The following MYH7 variants were observed in gnomAD, a reference collection of about 807,000 sequenced individuals.
The protein encoded by MYH7 is myosin-7.
MYH7 carries 129 observed loss-of-function variants against 225.4 expected under a neutral mutation model. That is an observed-to-expected ratio of 0.57 (90% CI 0.50 to 0.66). The LOEUF (loss-of-function observed/expected upper bound fraction) is 0.66. Ranked by LOEUF, MYH7 falls within the 30% of genes least tolerant of loss-of-function variation. The probability of loss-of-function intolerance (pLI) is 0.00; values close to 1 mark genes in which losing one functional copy is unlikely to be tolerated. For missense variants in MYH7, 1,649 were observed against 2,517.0 expected (o/e 0.66, Z 7.38); for synonymous variants, 971 against 1,007.6 (o/e 0.96, Z 0.69).
At chr14:23,414,678 C>A (rs1378131049) in intron 37 of MYH7, among the ~76,000 whole-genome samples, 1 of 152,092 alleles carries the variant, frequency 6.6e-6, no homozygotes, top group East Asian at 1.9e-4. Context: ...TTTTTGGTGT[C>A]TTTTGGGGGT....
At position 23,428,952 on chromosome 14, in the gene MYH7, C is replaced by T. The variant is rs951495214; in HGVS notation, c.1407+3G>A. Reference sequence around the variant, plus strand: ...TCTCCCACTCCCAGGGGTCCCAACTCACATCGAAGATCTCGAAGCCAGCGA... The same window carrying T: ...TCTCCCACTCCCAGGGGTCCCAACTTACATCGAAGATCTCGAAGCCAGCGA... On this transcript the variant is annotated splice_donor_region_variant and intron_variant, in intron 14 of 39. Coordinates refer to ENST00000355349, the MANE Select transcript of MYH7 (RefSeq NM_000257.4). 1.9e-6 allele frequency: 3 copies of T among 1,614,220 alleles called. No individual in the cohort carries two copies. The African/African-American group carries it at 4.0e-5, about 22-fold the overall frequency.
rs750836033 is a variant in MYH7 at position 23,418,303 on chromosome 14, C to A, written c.4076G>T (p.Arg1359Leu). Residue 1359 changes from arginine to leucine, a missense_variant, in exon 30 of 40, where the codon CGC becomes CTC. By Grantham distance (102) the Arg-to-Leu change is moderately radical. This residue lies in a region of MYH7 where 687 missense variants were observed against 913.8 expected (regional missense o/e 0.75). Coordinates refer to ENST00000355349, the MANE Select transcript of MYH7 (RefSeq NM_000257.4). ...CTCCGAGTTGGCCTTGGAAAGGACG[C>A]GCTGCAGCTCGGCCTTGGCCTCCGT... ...EETEAKAELQ[R>L]VLSKANSEVA... 1 of 1,613,612 alleles carries A rather than the reference C, an allele frequency of 6.2e-7. No homozygotes were observed. Among genetic ancestry groups the A allele is most frequent in the Non-Finnish European group, 8.5e-7 (1 of 1,180,036 alleles).
intron 11 of MYH7, 49 bp from the exon 12 acceptor site, chr14:23,429,962 GGTAA>G (rs755115242): frequency 1.9e-6 from 3 of 1,608,066 alleles, no homozygotes; most frequent in African/African-American, 2.7e-5. Flanking sequence ...AAGTATGATG[GGTAA>G]GTGAGATCCC....
intron 13 of MYH7, 49 bp from the exon 14 acceptor site, chr14:23,429,153 T>A: frequency 6.2e-7 from 1 of 1,613,708 alleles, no homozygotes; most frequent in Non-Finnish European, 8.5e-7. Flanking sequence ...TTGGGAAGAG[T>A]GAACTTGAAA....
intron 1 of MYH7, 109 bp from the exon 2 acceptor site, chr14:23,434,358 C>G (rs1044542793): frequency 1.3e-6 from 1 of 774,430 alleles, no homozygotes. Flanking sequence ...TCTTCCAAAA[C>G]AAGGTGGAAA....
In MYH7 at chr14:23,425,196, G is replaced by T. The variant is rs1382994772; in HGVS notation, c.2423+86C>A. The T allele has an allele frequency of 5.0e-6, 8 of 1,610,604 alleles. No homozygotes were observed. The highest frequency in any genetic ancestry group is 5.9e-6 in the Non-Finnish European group (7 of 1,177,520). The stretch of plus-strand genomic sequence containing the variant: ...CCTCCTGCAGGTCTCTGTGTTTGAA[G>T]ATCTGCTGAGCTTTTTTTCCTGACA... On this transcript the variant is annotated intron_variant, in intron 21 of 39. Transcript: ENST00000355349. This position sits in a 1 kb window ranked among gnomAD's most constrained non-coding sequence, Gnocchi z 4.6.
rs1260906830 is a variant in MYH7 at position 23,429,108 on chromosome 14, C to T, written c.1258-4G>A. 6.2e-7 allele frequency: 1 copy of T among 1,614,106 alleles called. No individual in the cohort carries two copies. The highest frequency in any genetic ancestry group is 1.3e-5 in the African/African-American group (1 of 74,944). The stretch of plus-strand genomic sequence containing the variant: ...GTGCCCCAGTGGCATATATCACCTG[C>T]AAGGTGGAGGAGAGACCCATATTGA... On this transcript the variant is annotated splice_polypyrimidine_tract_variant and splice_region_variant and intron_variant, in intron 13 of 39. Transcript: ENST00000355349.
rs773718222 is a variant in MYH7 at position 23,418,418 on chromosome 14, T to G, written c.3973-12A>C. Reference sequence around the variant, plus strand: ...AGGGCGTTCTTCGCCTGGGGAGGGGTGGGCACCAGGAGGTGGGTTCAGCTT... The same window carrying G: ...AGGGCGTTCTTCGCCTGGGGAGGGGGGGGCACCAGGAGGTGGGTTCAGCTT... On this transcript the variant is annotated splice_polypyrimidine_tract_variant and intron_variant, in intron 29 of 39. Transcript: ENST00000355349. The G allele has an allele frequency of 6.9e-6, 11 of 1,599,636 alleles. No individual in the cohort carries two copies. Among genetic ancestry groups the G allele is most frequent in the Admixed American group, 3.4e-5 (2 of 59,486 alleles).
At chr14:23,428,909 G>A (rs1566534936) in intron 14 of MYH7, 46 bp downstream of exon 14, 1 of 1,613,782 alleles carries the variant, frequency 6.2e-7, no homozygotes, top group South Asian at 1.1e-5. Context: ...TTGAATGTGG[G>A]AGCGAGTGAG....
In MYH7 at chr14:23,433,657, C is replaced by T. The variant is rs775643803; in HGVS notation, c.76G>A (p.Ala26Thr). The T allele has an allele frequency of 1.9e-6, 3 of 1,614,274 alleles. No individual in the cohort carries two copies. Among genetic ancestry groups the T allele is most frequent in the Non-Finnish European group, 2.5e-6 (3 of 1,180,052 alleles). The change falls in exon 3 of 40, where the codon GCG becomes ACG. Residue 26 changes from alanine (A) to threonine (T), a missense_variant. Physicochemically the swap from Ala to Thr is moderately conservative, Grantham distance 58. Coordinates refer to ENST00000355349, the MANE Select transcript of MYH7 (RefSeq NM_000257.4). This position sits in a 1 kb window ranked among gnomAD's most constrained non-coding sequence, Gnocchi z 4.1. Reference sequence around the variant, plus strand: ...TTGAGGTCAAAAGGCCTGGTCTGCGCTTCTAGCCGCTCCTTCTCTGACTTG... The same window carrying T: ...TTGAGGTCAAAAGGCCTGGTCTGCGTTTCTAGCCGCTCCTTCTCTGACTTG... ...LRKSEKERLEAQTRPFDLKKD... is the reference protein window; with the variant it reads ...LRKSEKERLETQTRPFDLKKD...
chr14:23,418,156 T>C, intron 30 of MYH7, 54 bp downstream of exon 30: 1 of 1,612,964 alleles, frequency 6.2e-7, no homozygotes, highest in Non-Finnish European at 8.5e-7. Flanking sequence ...GGGGCTGGGC[T>C]GAGTCCTGCC....
In MYH7 at chr14:23,430,924, G is replaced by A. The variant is rs397516272; in HGVS notation, c.872C>T (p.Ser291Phe). Residue 291 changes from serine to phenylalanine, a missense_variant, in exon 10 of 40, where the codon TCT (serine) becomes TTT (phenylalanine). Physicochemically the swap from Ser to Phe is radical, Grantham distance 155. Coordinates refer to ENST00000355349, the MANE Select transcript of MYH7 (RefSeq NM_000257.4). Reference protein sequence around the residue: ...RDYHIFYQILSNKKPELLDML... With the variant: ...RDYHIFYQILFNKKPELLDML... ...ACCCAGCAGCTCAGGCTTTTTGTTA[G>A]ACAGGATTTGGTAGAAAATGTGATA... is the stretch of plus-strand genomic sequence containing the variant. 6.2e-7 allele frequency: 1 copy of A among 1,613,838 alleles called. No individual in the cohort carries two copies. Among genetic ancestry groups the A allele is most frequent in the Non-Finnish European group, 8.5e-7 (1 of 1,179,702 alleles).
At chr14:23,421,980 G>T (rs947563740) in intron 25 of MYH7, among the ~76,000 whole-genome samples, 200 bp downstream of exon 25, 1 of 152,170 alleles carries the variant, frequency 6.6e-6, no homozygotes, top group Non-Finnish European at 1.5e-5. Flanking sequence ...TGGACTTTTT[G>T]CCAGGGAGGA....
Position 23,429,131 on chromosome 14 carries a change from T to C in MYH7, c.1258-27A>G, listed in dbSNP as rs377737897. 98 of 1,614,106 alleles carry C rather than the reference T, an allele frequency of 6.1e-5. 1 individual carries two copies. The highest frequency in any genetic ancestry group is 7.7e-5 in the Non-Finnish European group (91 of 1,180,050). On this transcript the variant is annotated intron_variant, in intron 13 of 39. Transcript: ENST00000355349. ...TGCAAGGTGGAGGAGAGACCCATAT[T>C]GAGCAGGGTTGTTGGGAAGAGTGAA...
intron 9 of MYH7, 78 bp downstream of exon 9, chr14:23,431,340 A>G: frequency 3.3e-6 from 4 of 1,219,906 alleles, no homozygotes; most frequent in Non-Finnish European, 4.8e-6. Context: ...GAGGGAGGGG[A>G]GAGAGAGAGA....
intron 24 of MYH7, 112 bp downstream of exon 24, chr14:23,423,435 A>G (rs1341557825): frequency 2.3e-6 from 3 of 1,323,590 alleles, no homozygotes; most frequent in Non-Finnish European, 3.1e-6. Context: ...ACATAAACAC[A>G]AACACACACA....
At position 23,416,041 on chromosome 14, in the gene MYH7, G is replaced by A. The variant is rs1195157116; in HGVS notation, c.4916C>T (p.Ala1639Val). The A allele has an allele frequency of 4.3e-6, 7 of 1,614,068 alleles. No individual in the cohort carries two copies. In the Admixed American group the frequency reaches 1.0e-4, roughly 23 times the overall value. The change falls in exon 34 of 40, where the codon GCC (alanine) becomes GTC (valine). Residue 1639 changes from alanine (A) to valine (V), a missense_variant. Around this residue, in one of 12 missense-constraint regions of MYH7, gnomAD observed 687 missense variants for 913.8 expected, o/e 0.75. Transcript: ENST00000355349. ...LSHANRMAAEAQKQVKSLQSL... is the reference protein window; with the variant it reads ...LSHANRMAAEVQKQVKSLQSL... ...CTGGAGGCTCTTGACTTGCTTCTGG[G>A]CCTCGGCGGCCATGCGGTTGGCGTG...
intron 18 of MYH7, 120 bp downstream of exon 18, chr14:23,426,657 G>T: frequency 1.1e-6 from 1 of 905,854 alleles, no homozygotes; most frequent in Non-Finnish European, 1.8e-6. Flanking sequence ...CATGCGGGAT[G>T]GGAGGAGAAG....
intron 39 of MYH7, 111 bp from the exon 40 acceptor site, chr14:23,412,982 G>T: frequency 1.8e-6 from 2 of 1,096,918 alleles, no homozygotes; most frequent in Non-Finnish European, 2.7e-6. Context: ...CTGCTTTGTG[G>T]GCAGGTGGAA....
Sources: allele counts gnomAD v4.1 joint callset (sites outside exome capture counted in the v4.1 genomes callset), GRCh38; gene constraint gnomAD v4.1.1; regional missense constraint gnomAD v4.1.1; non-coding constraint Gnocchi (gnomAD v3.1); transcripts MANE v1.5; gene names NCBI Gene and HGNC (gene_info 2026-07-23, HGNC 2026-07-21).